The following STXBP2 variants were observed in gnomAD, a reference collection of about 807,000 sequenced individuals.
The protein encoded by STXBP2 is syntaxin binding protein 2, also known as syntaxin-binding protein 2.
In STXBP2, 47 loss-of-function variants were observed where a neutral mutation model predicts 72.2. The observed-to-expected ratio is 0.65, with a 90% confidence interval of 0.51 to 0.83. The LOEUF (loss-of-function observed/expected upper bound fraction) is 0.83, where lower values mean the gene tolerates loss of function less well. STXBP2 is among the 40% of genes least tolerant of loss of function. The pLI, the probability that STXBP2 is intolerant of heterozygous loss-of-function variation, is 0.00. For synonymous variants in STXBP2, 367 were observed against 338.7 expected, an observed-to-expected ratio of 1.08 and a Z score of -0.92; for missense variants, 702 against 807.6, an observed-to-expected ratio of 0.87 and a Z score of 1.58.
At chr19:7,640,317 TGTGTGTGC>T (rs1250524271) in intron 4 of STXBP2, 2 of 556,820 alleles carry the variant, frequency 3.6e-6, no homozygotes, top group Non-Finnish European at 3.4e-6. Flanking sequence ...TGTGTGCATC[TGTGTGTGC>T]GTGTGTATGC....
chr19:7,646,632 C>T (rs2032150043), intron 16 of STXBP2: 11 of 511,350 alleles, frequency 2.2e-5, no homozygotes, highest in South Asian at 2.0e-4. Context: ...CCCTGAGCCC[C>T]AGCCCTGGCC....
At chr19:7,632,501 G>T (rs367545215), upstream of STXBP2, 2 of 1,613,414 alleles carry the variant, frequency 1.2e-6, no homozygotes, top group African/African-American at 2.7e-5. The surrounding 1 kb of genome is among the most constrained non-coding windows in gnomAD (Gnocchi z 5.2). Context: ...TGTCCATCTC[G>T]GGGGTGGGGT....
rs756857906 is a variant in STXBP2, at chr19:7,644,768, A to G, written c.1246+16A>G. 10 of 1,613,372 alleles carry G rather than the reference A, an allele frequency of 6.2e-6. No individual in the cohort carries two copies. In the Admixed American group the frequency reaches 1.2e-4, roughly 19 times the overall value. The stretch of plus-strand genomic sequence containing the variant: ...CTTCGGAATGGTGGGTGGGGGCTGC[A>G]GGGAGTTGGAACGTCCCCATTTGCC... On this transcript the variant is annotated intron_variant, in intron 14 of 18. Coordinates refer to ENST00000221283, the MANE Select transcript of STXBP2 (RefSeq NM_006949.4).
At chr19:7,632,930 G>T, upstream of STXBP2, 1 of 1,493,630 alleles carries the variant, frequency 6.7e-7, no homozygotes, top group Non-Finnish European at 8.9e-7. The surrounding 1 kb of genome is among the most constrained non-coding windows in gnomAD (Gnocchi z 5.2). Context: ...GGGGCCTGCC[G>T]TCCCCACTTC....
intron 4 of STXBP2, 72 bp from the exon 5 acceptor site, chr19:7,640,659 G>A (rs748221527): frequency 6.3e-7 from 1 of 1,595,426 alleles, no homozygotes; most frequent in African/African-American, 1.3e-5. Context: ...ATGGGGGGTG[G>A]CTGGGAGGCC....
upstream of STXBP2, among the ~76,000 whole-genome samples, chr19:7,634,571 T>C (rs1034272272): frequency 6.6e-5 from 10 of 152,248 alleles, no homozygotes; most frequent in Admixed American, 5.9e-4. Flanking sequence ...GGTCTCACTA[T>C]TTTGCCCAGG....
At position 7,640,531 on chromosome 19, in the gene STXBP2, T is replaced by C. The variant is rs774221994; in HGVS notation, c.247-200T>C. The C allele has an allele frequency of 6.1e-4, 425 of 699,638 alleles. 5 individuals carry two copies. Among genetic ancestry groups the C allele is most frequent in the South Asian group, 1.1e-3 (74 of 66,484 alleles). The allele number at this position is 699,638 out of a possible 1,614,324, so 43.3% of individuals were successfully genotyped here. ...GTGTGTGCATGTGTGCATGCGTGTG[T>C]ATGTGTGTGTGCGTGCGTGCATCTG... is the stretch of plus-strand genomic sequence containing the variant. On this transcript the variant is annotated intron_variant, in intron 4 of 18. Transcript: ENST00000221283.
intron 4 of STXBP2, 183 bp from the exon 5 acceptor site, chr19:7,640,548 G>A (rs542228610): frequency 3.2e-5 from 23 of 724,640 alleles, no homozygotes; most frequent in African/African-American, 1.4e-4. Flanking sequence ...GTGTGCGTGC[G>A]TGCATCTGTG....
At chr19:7,639,252 G>C in intron 3 of STXBP2, 152 bp downstream of exon 3, 1 of 846,642 alleles carries the variant, frequency 1.2e-6, no homozygotes, top group East Asian at 2.7e-5. Flanking sequence ...CCCGGATCAT[G>C]TGACCAAATC....
Position 7,643,028 on chromosome 19 carries a change from T to C in STXBP2, c.1006T>C (p.Tyr336His). 6.2e-7 allele frequency: 1 copy of C among 1,614,174 alleles called. No homozygotes were observed. ...LSQILKKMPQYQKELNKYSTH... is the reference protein window; with the variant it reads ...LSQILKKMPQHQKELNKYSTH... ...CCAGATCCTGAAAAAGATGCCGCAG[T>C]ACCAGAAGGAGCTGAATAAGGTGTG... The change falls in exon 12 of 19, where the codon TAC becomes CAC. Residue 336 changes from tyrosine to histidine, a missense_variant. Tyr to His is a moderately conservative substitution (Grantham distance 83, BLOSUM62 2). Coordinates refer to ENST00000221283, the MANE Select transcript of STXBP2 (RefSeq NM_006949.4).
In STXBP2 at chr19:7,642,698, G is replaced by A; in HGVS notation, c.903-68G>A. The A allele has an allele frequency of 6.5e-7, 1 of 1,545,924 alleles. No homozygotes were observed. Among genetic ancestry groups the A allele is most frequent in the African/African-American group, 1.4e-5 (1 of 71,976 alleles). On this transcript the variant is annotated intron_variant, in intron 10 of 18. Transcript: ENST00000221283. This position sits in a 1 kb window ranked among gnomAD's most constrained non-coding sequence, Gnocchi z 6.0. The stretch of plus-strand genomic sequence containing the variant: ...CACCCCACCTCTCCCTGTCCCCCCT[G>A]AGTGGGCTCACCCATGGCCTGTGGC...
chr19:7,641,059 T>G, intron 6 of STXBP2, 56 bp downstream of exon 6: 1 of 1,573,850 alleles, frequency 6.4e-7, no homozygotes, highest in Non-Finnish European at 8.7e-7. Context: ...AAATGTCCCC[T>G]GTTCCCTCAG....
chr19:7,647,545 G>C, intron 18 of STXBP2, 34 bp downstream of exon 18: 1 of 1,572,344 alleles, frequency 6.4e-7, no homozygotes, highest in Non-Finnish European at 8.6e-7. Context: ...TGGGGTCTGG[G>C]GCTTGGGTTC....
rs772628831 is a variant in STXBP2, at chr19:7,640,084, G to A, written c.246+277G>A. The A allele has an allele frequency of 1.1e-3, 665 of 617,726 alleles. 7 individuals carry two copies. The highest frequency in any genetic ancestry group is 3.9e-3 in the Middle Eastern group (9 of 2,324). 38.3% of individuals were successfully genotyped at this position (617,726 alleles called of 1,614,324 possible). On this transcript the variant is annotated intron_variant, in intron 4 of 18. Coordinates refer to ENST00000221283, the MANE Select transcript of STXBP2 (RefSeq NM_006949.4). ...TGTGTGTATGCGTGTGTGTCTGTGG[G>A]TCTGTGTGTGCATTTGTGTCTGTGC...
chr19:7,642,605 C>G lies in STXBP2; in HGVS notation c.902+69C>G. 1.3e-6 allele frequency: 2 copies of G among 1,583,752 alleles called. No homozygotes were observed. Among genetic ancestry groups the G allele is most frequent in the Non-Finnish European group, 1.7e-6 (2 of 1,153,434 alleles). ...TGGGCCTGGTAGCGGCCTTGGGATCCCTGGCTGCTGCCAAGTCTTTGGCCC... is the reference window on the plus strand; with the variant it reads ...TGGGCCTGGTAGCGGCCTTGGGATCGCTGGCTGCTGCCAAGTCTTTGGCCC... On this transcript the variant is annotated intron_variant, in intron 10 of 18. Transcript: ENST00000221283. The surrounding 1 kb of genome is among the most constrained non-coding windows in gnomAD (Gnocchi z 6.0).
chr19:7,646,592 C>G, intron 16 of STXBP2: 1 of 587,360 alleles, frequency 1.7e-6, no homozygotes, highest in Non-Finnish European at 3.1e-6. Context: ...CTATATCTCT[C>G]TAGTCTGTTC....
intron 1 of STXBP2, among the ~76,000 whole-genome samples, chr19:7,637,748 C>T (rs1296856763): frequency 6.6e-6 from 1 of 152,176 alleles, no homozygotes; most frequent in East Asian, 1.9e-4. Context: ...GCGCCTCTTC[C>T]TCCACCCCGG....
the STXBP2 span, chr19:7,630,390 G>T: frequency 3.3e-6 from 2 of 604,300 alleles, no homozygotes; most frequent in South Asian, 4.0e-5. Context: ...GAGGCCTCCT[G>T]GATTATAGGA....
rs760837844 is a variant in STXBP2, at chr19:7,641,783, G to A, written c.508G>A (p.Glu170Lys). The change falls in exon 7 of 19, where the codon GAG becomes AAG. Residue 170 changes from glutamate (E) to lysine (K), a missense_variant. Coordinates refer to ENST00000221283, the MANE Select transcript of STXBP2 (RefSeq NM_006949.4). Reference protein sequence around the residue: ...FRAEERTRQLEVLAQQIATLC... With the variant: ...FRAEERTRQLKVLAQQIATLC... Reference sequence around the variant, plus strand: ...GGCAGAGGAGCGCACGCGGCAGCTCGAGGTGCTGGCCCAGCAGATTGCCAC... The same window carrying A: ...GGCAGAGGAGCGCACGCGGCAGCTCAAGGTGCTGGCCCAGCAGATTGCCAC... The A allele has an allele frequency of 1.8e-5, 28 of 1,551,494 alleles. No individual in the cohort carries two copies. The highest frequency in any genetic ancestry group is 3.9e-5 in the Admixed American group (2 of 51,078).
Sources: gnomAD v4.1 joint callset for allele counts (sites outside exome capture counted in the v4.1 genomes callset) on GRCh38, gnomAD v4.1.1 for gene constraint, Gnocchi (gnomAD v3.1) non-coding constraint, MANE v1.5 for transcripts, NCBI Gene and HGNC (gene_info 2026-07-23, HGNC 2026-07-21) for gene names.